The following CDH4 variants were observed in gnomAD, a reference collection of about 807,000 sequenced individuals.
The protein encoded by CDH4 is cadherin 4, also known as cadherin-4.
A neutral mutation model predicts 86.0 loss-of-function variants in CDH4; 33 were observed. The observed-to-expected ratio is 0.38, with a 90% confidence interval of 0.29 to 0.51. The LOEUF is 0.51. Ranked by LOEUF, CDH4 falls within the 20% of genes least tolerant of loss-of-function variation. The pLI is 0.86. For synonymous variants in CDH4, 555 were observed against 549.4 expected (o/e 1.01, Z -0.14); for missense variants, 1,114 against 1,307.4 (o/e 0.85, Z 2.28).
rs1410728607 is a variant in CDH4, at chr20:61,518,472, CCATCCATCCTTCCATCATTGATTCAT to C, written c.170-225081_170-225056del. 4.6e-5 allele frequency among the ~76,000 whole-genome samples: 7 copies of C among 151,032 alleles called. No individual in the cohort carries two copies. The highest frequency in any genetic ancestry group is 8.8e-5 in the Non-Finnish European group (6 of 67,898). On this transcript the variant is annotated intron_variant, in intron 2 of 15. Coordinates refer to ENST00000614565, the MANE Select transcript of CDH4 (RefSeq NM_001794.5). The surrounding 1 kb of genome is among the most constrained non-coding windows in gnomAD (Gnocchi z 6.3). ...CATCCGTCATCCACCCATCGTCCAT[CCATCCATCCTTCCATCATTGATTCAT>C]CATCCATCCATCCGTCCATCTATCA...
intron 2 of CDH4, among the ~76,000 whole-genome samples, chr20:61,262,169 G>A (rs1445582355): frequency 6.6e-6 from 1 of 152,186 alleles, no homozygotes; most frequent in South Asian, 2.1e-4. Context: ...CAGATTGAGA[G>A]AAAGTGCCAC....
At chr20:61,860,144 A>T (rs1459210183) in intron 6 of CDH4, among the ~76,000 whole-genome samples, 1 of 152,266 alleles carries the variant, frequency 6.6e-6, no homozygotes, top group Non-Finnish European at 1.5e-5. Context: ...TAACTCCTTC[A>T]TATTAACAGC....
intron 2 of CDH4, among the ~76,000 whole-genome samples, chr20:61,330,611 GGGCAGTGCACCT>G (rs1355567173): frequency 6.6e-6 from 1 of 152,184 alleles, no homozygotes; most frequent in Admixed American, 6.5e-5. Flanking sequence ...CCTGCCTTCT[GGGCAGTGCACCT>G]GGTGCCTGCG....
rs933609472 is a variant in CDH4, at chr20:61,616,300, G to A, written c.170-127263G>A. ...GGGAATCAGCCAGCCTCTGTGTGGGGCGGGTGGAGGTGCCCATCAGGGTTC... is the reference window on the plus strand; with the variant it reads ...GGGAATCAGCCAGCCTCTGTGTGGGACGGGTGGAGGTGCCCATCAGGGTTC... On this transcript the variant is annotated intron_variant, in intron 2 of 15. Coordinates refer to ENST00000614565, the MANE Select transcript of CDH4 (RefSeq NM_001794.5). Among the ~76,000 whole-genome samples the A allele has an allele frequency of 5.3e-5, 8 of 152,334 alleles. No individual in the cohort carries two copies. In the East Asian group the frequency reaches 1.4e-3, roughly 26 times the overall value.
intron 2 of CDH4, among the ~76,000 whole-genome samples, chr20:61,453,499 T>C (rs1398006605): frequency 1.3e-5 from 2 of 152,076 alleles, no homozygotes; most frequent in Non-Finnish European, 2.9e-5. Context: ...ACCACCCACT[T>C]CTTAGGTCCT....
In CDH4 at chr20:61,670,711, C is replaced by A. The variant is rs116014115; in HGVS notation, c.170-72852C>A. On this transcript the variant is annotated intron_variant, in intron 2 of 15. Transcript: ENST00000614565. ...AAGTGGTTTGTGAGGATTCCCATGA[C>A]TTCTGTGGCCATTCTTATGGGTGGG... Among the ~76,000 whole-genome samples the A allele has an allele frequency of 3.9e-3, 592 of 152,308 alleles. 3 individuals carry two copies. Among genetic ancestry groups the A allele is most frequent in the African/African-American group, 0.013 (560 of 41,564 alleles).
chr20:61,466,269 A>G (rs772120957), intron 2 of CDH4, among the ~76,000 whole-genome samples: 22 of 152,220 alleles, frequency 1.4e-4, no homozygotes, highest in Non-Finnish European at 2.5e-4. Context: ...TTCTCTCCAG[A>G]TGTTTGACAA....
intron 2 of CDH4, among the ~76,000 whole-genome samples, chr20:61,353,696 CCTCCT>C (rs1462432713): frequency 2.7e-4 from 1 of 3,640 alleles, no homozygotes; most frequent in Admixed American, 5.2e-3. Context: ...CTCCTCCTCC[CCTCCT>C]CCTCCTCCCC....
At chr20:61,799,732 C>A (rs997962232) in intron 4 of CDH4, among the ~76,000 whole-genome samples, 11 of 152,218 alleles carry the variant, frequency 7.2e-5, no homozygotes, top group Non-Finnish European at 2.9e-5. Flanking sequence ...AAGCCCCTCC[C>A]AGGGTATCCC....
chr20:61,475,792 T>C (rs2427124), intron 2 of CDH4, among the ~76,000 whole-genome samples: 63,843 of 148,976 alleles, frequency 0.43, 13,974 homozygotes, highest in Admixed American at 0.52. Context: ...AATATTCATG[T>C]AATTGCTGGT....
At position 61,811,251 on chromosome 20, in the gene CDH4, G is replaced by A. The variant is rs1177702826; in HGVS notation, c.577-33417G>A. 2.0e-5 allele frequency among the ~76,000 whole-genome samples: 3 copies of A among 152,170 alleles called. No homozygotes were observed. Among genetic ancestry groups the A allele is most frequent in the Admixed American group, 6.5e-5 (1 of 15,274 alleles). On this transcript the variant is annotated intron_variant, in intron 4 of 15. Coordinates refer to ENST00000614565, the MANE Select transcript of CDH4 (RefSeq NM_001794.5). This position sits in a 1 kb window ranked among gnomAD's most constrained non-coding sequence, Gnocchi z 4.4. ...GAATTGCTGGAGGAAACATCCAAAC[G>A]GCTTGAACTTTGGCAAGGAGCTTTT...
rs775678736 is a variant in CDH4, at chr20:61,936,797, G to A, written c.2605G>A (p.Asp869Asn). ...CCCCTATGACTCCCTGCTGGTCTTC[G>A]ACTACGAGGGGAGCGGCTCCACCGC... ...APPYDSLLVFDYEGSGSTAGS... is the reference protein window; with the variant it reads ...APPYDSLLVFNYEGSGSTAGS... Residue 869 changes from aspartate (D) to asparagine (N), a missense_variant, in exon 16 of 16, where the codon GAC becomes AAC. Asp to Asn is a conservative substitution (Grantham distance 23). Transcript: ENST00000614565. The A allele has an allele frequency of 5.0e-6, 8 of 1,610,468 alleles. No individual in the cohort carries two copies. Among genetic ancestry groups the A allele is most frequent in the Non-Finnish European group, 5.9e-6 (7 of 1,179,054 alleles).
chr20:61,522,002 A>T (rs1316304831), intron 2 of CDH4, among the ~76,000 whole-genome samples: 2 of 152,164 alleles, frequency 1.3e-5, no homozygotes, highest in African/African-American at 2.4e-5. Context: ...ATTCCCATGC[A>T]TTTGCCAAGA....
intron 4 of CDH4, among the ~76,000 whole-genome samples, chr20:61,801,303 G>A (rs1200038302): frequency 6.6e-6 from 1 of 152,086 alleles, no homozygotes; most frequent in African/African-American, 2.4e-5. Flanking sequence ...GGGCCAGGGT[G>A]TCCAGCCGCA....
chr20:61,849,025 T>A (rs1215403623), intron 5 of CDH4, among the ~76,000 whole-genome samples: 9 of 152,202 alleles, frequency 5.9e-5, no homozygotes, highest in Non-Finnish European at 1.3e-4. Context: ...TGGTGAGCCC[T>A]GAGATCTGGC....
intron 2 of CDH4, among the ~76,000 whole-genome samples, chr20:61,618,814 T>G (rs1007146461): frequency 2.0e-5 from 3 of 152,178 alleles, no homozygotes; most frequent in Admixed American, 1.3e-4. Context: ...TGGCAAGTGG[T>G]GAATTCAGAG....
chr20:61,608,103 G>C (rs1319039482), intron 2 of CDH4, among the ~76,000 whole-genome samples: 1 of 151,974 alleles, frequency 6.6e-6, no homozygotes, highest in Non-Finnish European at 1.5e-5. Context: ...AGACCCCAGG[G>C]TGTCTCCTGT....
intron 2 of CDH4, among the ~76,000 whole-genome samples, chr20:61,316,765 G>A (rs959101515): frequency 7.9e-5 from 12 of 152,186 alleles, no homozygotes; most frequent in African/African-American, 2.4e-4. Context: ...TCTGCTTTTC[G>A]GGTGAGGGGA....
chr20:61,842,353 G>T (rs1277620594), intron 4 of CDH4, among the ~76,000 whole-genome samples: 1 of 152,204 alleles, frequency 6.6e-6, no homozygotes, highest in Non-Finnish European at 1.5e-5. Context: ...AATTCAGAAT[G>T]CTCCTGCATT....
Sources: gnomAD v4.1 joint callset for allele counts (sites outside exome capture counted in the v4.1 genomes callset) on GRCh38, gnomAD v4.1.1 for gene constraint, Gnocchi (gnomAD v3.1) non-coding constraint, MANE v1.5 for transcripts, NCBI Gene and HGNC (gene_info 2026-07-23, HGNC 2026-07-21) for gene names.